The following SPIDR variants were observed in gnomAD, a reference collection of about 807,000 sequenced individuals.
SPIDR encodes scaffold protein involved in DNA repair, also known as DNA repair-scaffolding protein.
SPIDR carries 93 observed loss-of-function variants against 104.6 expected under a neutral mutation model. That is an observed-to-expected ratio of 0.89 (90% CI 0.75 to 1.06). SPIDR has a LOEUF of 1.06. SPIDR is among the 50% of genes least tolerant of loss of function. The pLI, the probability that SPIDR is intolerant of heterozygous loss-of-function variation, is 0.00. For synonymous variants in SPIDR, 431 were observed against 416.9 expected (o/e 1.03, Z -0.41); for missense variants, 1,154 against 1,111.2 (o/e 1.04, Z -0.55).
At chr8:47,673,552 C>T (rs996993971) in intron 10 of SPIDR, 5 of 561,716 alleles carry the variant, frequency 8.9e-6, no homozygotes, top group Non-Finnish European at 1.7e-5. Flanking sequence ...GGTTCAAACA[C>T]CTGCATGAAC....
At position 47,727,183 on chromosome 8, in the gene SPIDR, C is replaced by T. The variant is rs1480157698; in HGVS notation, c.2342-17C>T. The T allele has an allele frequency of 1.9e-6, 3 of 1,613,442 alleles. No individual in the cohort carries two copies. Among genetic ancestry groups the T allele is most frequent in the African/African-American group, 1.3e-5 (1 of 74,906 alleles). ...CAGAGCCGCCTCTGAGGTGGGCTTT[C>T]CTTCTCTTGGGCCTAGGCACTGTGG... On this transcript the variant is annotated splice_polypyrimidine_tract_variant and intron_variant, in intron 16 of 19. Transcript: ENST00000297423.
intron 10 of SPIDR, among the ~76,000 whole-genome samples, chr8:47,642,767 G>T (rs2069383915): frequency 1.3e-5 from 2 of 152,052 alleles, no homozygotes; most frequent in African/African-American, 2.4e-5. Context: ...AAATTAGCTG[G>T]GCATGATGGT....
chr8:47,621,842 G>A (rs187137440), intron 10 of SPIDR, among the ~76,000 whole-genome samples: 2 of 152,328 alleles, frequency 1.3e-5, no homozygotes, highest in East Asian at 3.9e-4. Flanking sequence ...GTGGGTGCCT[G>A]TAGTCCCAGC....
intron 10 of SPIDR, among the ~76,000 whole-genome samples, chr8:47,617,081 T>A (rs944833106): frequency 6.6e-6 from 1 of 152,182 alleles, no homozygotes; most frequent in Non-Finnish European, 1.5e-5. Context: ...GAGAAAAAGA[T>A]TGCCTACATA....
At chr8:47,438,376 A>G (rs1314836707) in intron 7 of SPIDR, among the ~76,000 whole-genome samples, 4 of 152,198 alleles carry the variant, frequency 2.6e-5, no homozygotes, top group Non-Finnish European at 4.4e-5. Context: ...TAGCTCCTCA[A>G]TCTAGGGCTT....
At chr8:47,606,565 C>T (rs1435433709) in intron 10 of SPIDR, among the ~76,000 whole-genome samples, 1 of 151,956 alleles carries the variant, frequency 6.6e-6, no homozygotes, top group Non-Finnish European at 1.5e-5. Flanking sequence ...ACAAGGATCC[C>T]AAACTCCTGA....
chr8:47,266,161 A>C, intron 1 of SPIDR, among the ~76,000 whole-genome samples: 4 of 125,960 alleles, frequency 3.2e-5, no homozygotes, highest in East Asian at 2.2e-4. Context: ...TTGGAGTCTC[A>C]CTCTCTTGCC....
At chr8:47,376,893 TCTGGCCTATCAC>T (rs2058722954) in intron 5 of SPIDR, among the ~76,000 whole-genome samples, 1 of 152,110 alleles carries the variant, frequency 6.6e-6, no homozygotes, top group Non-Finnish European at 1.5e-5. Context: ...ACAGGCCAAA[TCTGGCCTATCAC>T]CTGTCTCCAT....
chr8:47,432,293 T>G (rs2067497643), intron 7 of SPIDR, among the ~76,000 whole-genome samples: 1 of 152,248 alleles, frequency 6.6e-6, no homozygotes, highest in Non-Finnish European at 1.5e-5. Context: ...CATTTGGATT[T>G]GATTTTGGAA....
chr8:47,323,284 C>T (rs749286108), intron 5 of SPIDR, among the ~76,000 whole-genome samples: 9 of 152,086 alleles, frequency 5.9e-5, no homozygotes, highest in Non-Finnish European at 1.3e-4. Context: ...TCTCAGGGAA[C>T]ATAGACCTGT....
chr8:47,541,166 C>T (rs1182568020), intron 8 of SPIDR, among the ~76,000 whole-genome samples: 1 of 152,186 alleles, frequency 6.6e-6, no homozygotes, highest in Non-Finnish European at 1.5e-5. Flanking sequence ...AACCAATTAA[C>T]ACTCTTAAAA....
intron 8 of SPIDR, chr8:47,547,796 C>A: frequency 5.7e-6 from 1 of 174,118 alleles, no homozygotes. Flanking sequence ...AAAATGATGA[C>A]GGGGAGACAC....
chr8:47,402,290 C>A (rs1003987788), intron 6 of SPIDR, among the ~76,000 whole-genome samples: 3 of 152,072 alleles, frequency 2.0e-5, no homozygotes, highest in South Asian at 2.1e-4. Context: ...TCACAATTAA[C>A]AGAACTAGAG....
intron 8 of SPIDR, among the ~76,000 whole-genome samples, chr8:47,565,268 GAA>G (rs1324789746): frequency 1.3e-5 from 2 of 152,088 alleles, no homozygotes; most frequent in African/African-American, 4.8e-5. Context: ...GGAGAAGAGA[GAA>G]GAGAGAGAAA....
At chr8:47,586,000 G>T (rs2060213885) in intron 8 of SPIDR, among the ~76,000 whole-genome samples, 1 of 151,982 alleles carries the variant, frequency 6.6e-6, no homozygotes, top group Non-Finnish European at 1.5e-5. Context: ...ACTTCTTTAG[G>T]TATTGGCTTT....
intron 10 of SPIDR, among the ~76,000 whole-genome samples, chr8:47,646,942 C>G (rs1247124996): frequency 1.3e-5 from 2 of 152,018 alleles, no homozygotes. Context: ...TACTCTTTGA[C>G]CCAATACTCC....
At chr8:47,555,608 C>T (rs767102162) in intron 8 of SPIDR, among the ~76,000 whole-genome samples, 7 of 152,134 alleles carry the variant, frequency 4.6e-5, no homozygotes, top group Non-Finnish European at 1.0e-4. Context: ...TGTGTATATT[C>T]CATTTTGATG....
intron 11 of SPIDR, among the ~76,000 whole-genome samples, chr8:47,679,705 CATCATCATTACAACTGTTCCTTGT>C (rs1212352213): frequency 8.5e-5 from 13 of 152,270 alleles, no homozygotes; most frequent in African/African-American, 2.9e-4. Context: ...ATGATGGCTT[CATCATCATTACAACTGTTCCTTGT>C]AGGGTGTCTG....
In SPIDR at chr8:47,364,464, T is replaced by C. The variant is rs138507587; in HGVS notation, c.526-31912T>C. Among the ~76,000 whole-genome samples, 172 of 152,328 alleles carry C rather than the reference T, an allele frequency of 1.1e-3. 1 individual carries two copies. The highest frequency in any genetic ancestry group is 4.0e-3 in the African/African-American group (167 of 41,570). ...AAGTGTTTTTGATGCAGAGCTTCAA[T>C]GCAAGTTTTGTTTTTCAGTATGTAA... On this transcript the variant is annotated intron_variant, in intron 5 of 19. Transcript: ENST00000297423.
Sources: allele counts gnomAD v4.1 joint callset (sites outside exome capture counted in the v4.1 genomes callset), GRCh38; gene constraint gnomAD v4.1.1; transcripts MANE v1.5; gene names NCBI Gene and HGNC (gene_info 2026-07-23, HGNC 2026-07-21).